The following MACROD2 variants were observed in gnomAD, a reference collection of about 807,000 sequenced individuals.
MACROD2 encodes mono-ADP ribosylhydrolase 2.
A neutral mutation model predicts 70.4 loss-of-function variants in MACROD2; 36 were observed. The ratio of observed to expected loss-of-function variants is 0.51; its 90% CI spans 0.39 to 0.68. The LOEUF is 0.68. Ranked by LOEUF, MACROD2 falls within the 30% of genes least tolerant of loss-of-function variation. The pLI is 0.00. For synonymous variants in MACROD2, 172 were observed against 178.8 expected, an observed-to-expected ratio of 0.96 and a Z score of 0.30; for missense variants, 496 against 538.4, an observed-to-expected ratio of 0.92 and a Z score of 0.78.
chr20:14,283,103 T>TA lies in MACROD2; in HGVS notation c.271+197376dup, dbSNP rs1328923097. Among the ~76,000 whole-genome samples, 5 of 152,196 alleles carry TA rather than the reference T, an allele frequency of 3.3e-5. No individual in the cohort carries two copies. In the East Asian group the frequency reaches 5.8e-4, roughly 18 times the overall value. On this transcript the variant is annotated intron_variant, in intron 3 of 17. Coordinates refer to ENST00000684519, the MANE Select transcript of MACROD2 (RefSeq NM_001351661.2). The stretch of plus-strand genomic sequence containing the variant: ...AAATAATTTGCAGCTAGTTCCATGA[T>TA]ACAACCTTTTCTGACATTTTGAATG...
intron 7 of MACROD2, among the ~76,000 whole-genome samples, chr20:15,449,565 A>T (rs533512274): frequency 6.6e-6 from 1 of 152,320 alleles, no homozygotes; most frequent in South Asian, 2.1e-4. Context: ...TATTCACTTC[A>T]TATATAAGCC....
intron 8 of MACROD2, among the ~76,000 whole-genome samples, chr20:15,600,879 C>G (rs188400749): frequency 6.6e-6 from 1 of 152,162 alleles, no homozygotes; most frequent in Non-Finnish European, 1.5e-5. Context: ...TTTTGACCAT[C>G]TTTTATGTTG....
intron 17 of MACROD2, 95 bp from the exon 18 acceptor site, chr20:16,049,735 A>G: frequency 7.9e-7 from 1 of 1,270,244 alleles, no homozygotes; most frequent in Non-Finnish European, 1.1e-6. Flanking sequence ...GAGGGGTGAG[A>G]GACATTTAAA....
At chr20:14,978,334 A>G (rs1600900403) in intron 5 of MACROD2, among the ~76,000 whole-genome samples, 1 of 152,040 alleles carries the variant, frequency 6.6e-6, no homozygotes, top group Admixed American at 6.6e-5. Flanking sequence ...AAGTGGCCAC[A>G]AGTATCCCTA....
chr20:15,120,447 T>C (rs57093030), intron 5 of MACROD2, among the ~76,000 whole-genome samples: 44,334 of 152,024 alleles, frequency 0.29, 7,860 homozygotes, highest in Non-Finnish European at 0.41. Context: ...CTCCCCTACT[T>C]TATGTAATAT....
chr20:15,798,871 C>T lies in MACROD2; in HGVS notation c.646-63874C>T, dbSNP rs79327241. On this transcript the variant is annotated intron_variant, in intron 8 of 17. Transcript: ENST00000684519. Reference sequence around the variant, plus strand: ...CAATACAACTGCTTTTCTATGGCCCCATTGCCTGTCTAGTCAGCCAGACAG... The same window carrying T: ...CAATACAACTGCTTTTCTATGGCCCTATTGCCTGTCTAGTCAGCCAGACAG... Among the ~76,000 whole-genome samples the T allele has an allele frequency of 1.6e-3, 246 of 152,284 alleles. 1 individual carries two copies. Among genetic ancestry groups the T allele is most frequent in the African/African-American group, 5.8e-3 (241 of 41,558 alleles).
intron 3 of MACROD2, among the ~76,000 whole-genome samples, chr20:14,470,013 G>T (rs2084508646): frequency 6.6e-6 from 1 of 151,750 alleles, no homozygotes; most frequent in Non-Finnish European, 1.5e-5. Context: ...GAGGCATTCT[G>T]GTTTTTGGAA....
chr20:14,420,751 G>T (rs778672548), intron 3 of MACROD2, among the ~76,000 whole-genome samples: 10 of 152,110 alleles, frequency 6.6e-5, no homozygotes, highest in Non-Finnish European at 1.3e-4. Context: ...GGAGTTCAGT[G>T]GTGTGATCAC....
At chr20:14,871,761 T>C (rs763484451) in intron 5 of MACROD2, among the ~76,000 whole-genome samples, 2 of 152,100 alleles carry the variant, frequency 1.3e-5, no homozygotes, top group Non-Finnish European at 2.9e-5. Flanking sequence ...ATAGATATGC[T>C]ATCTTCAAGA....
At chr20:15,345,024 G>T (rs1023650559) in intron 6 of MACROD2, among the ~76,000 whole-genome samples, 2 of 152,154 alleles carry the variant, frequency 1.3e-5, no homozygotes, top group African/African-American at 4.8e-5. Context: ...TTTCTGAGTT[G>T]CAGACTGCTC....
In MACROD2 at chr20:15,201,042, A is replaced by G. The variant is rs184050149; in HGVS notation, c.419-28898A>G. ...GGGGCCCCAAGATTTCGAATTCCCA[A>G]CCACCTCCCAGGTGCTGCTGCTGCT... On this transcript the variant is annotated intron_variant, in intron 5 of 17. Coordinates refer to ENST00000684519, the MANE Select transcript of MACROD2 (RefSeq NM_001351661.2). Among the ~76,000 whole-genome samples the G allele has an allele frequency of 2.1e-3, 319 of 151,908 alleles. 2 individuals are homozygous for G. Among genetic ancestry groups the G allele is most frequent in the African/African-American group, 7.5e-3 (308 of 41,218 alleles).
chr20:14,263,150 G>A (rs1327394909), intron 3 of MACROD2, among the ~76,000 whole-genome samples: 5 of 152,082 alleles, frequency 3.3e-5, no homozygotes, highest in Admixed American at 3.3e-4. Context: ...GAGGAAGGAA[G>A]GGAGAGGATA....
At chr20:15,506,656 A>C (rs1039006727) in intron 8 of MACROD2, among the ~76,000 whole-genome samples, 1 of 152,208 alleles carries the variant, frequency 6.6e-6, no homozygotes, top group African/African-American at 2.4e-5. Flanking sequence ...GTGATTCTTA[A>C]AAAGGGGGTT....
chr20:15,693,583 C>G (rs1270385311), intron 8 of MACROD2, among the ~76,000 whole-genome samples: 1 of 152,094 alleles, frequency 6.6e-6, no homozygotes, highest in East Asian at 1.9e-4. Flanking sequence ...ACTAAGCCAT[C>G]AATAAATGGA....
intron 12 of MACROD2, among the ~76,000 whole-genome samples, chr20:15,938,828 T>C (rs1397535508): frequency 1.3e-5 from 2 of 152,180 alleles, no homozygotes. Flanking sequence ...AAAGGAAATG[T>C]TCTTGAAGGA....
intron 8 of MACROD2, among the ~76,000 whole-genome samples, chr20:15,718,746 G>A (rs2050742314): frequency 6.6e-6 from 1 of 152,176 alleles, no homozygotes; most frequent in Middle Eastern, 3.2e-3. Context: ...ACTTACGGGG[G>A]AAGTTATACC....
chr20:14,754,859 T>C (rs1023859385), intron 5 of MACROD2, among the ~76,000 whole-genome samples: 1 of 150,836 alleles, frequency 6.6e-6, no homozygotes, highest in African/African-American at 2.4e-5. Flanking sequence ...AGGATCACAG[T>C]TTTTGTTAAG....
intron 9 of MACROD2, among the ~76,000 whole-genome samples, chr20:15,873,567 A>G (rs2064617436): frequency 1.3e-5 from 2 of 152,188 alleles, no homozygotes; most frequent in South Asian, 4.1e-4. Flanking sequence ...AAGGTTATTA[A>G]TCTTTCAAAT....
chr20:15,373,163 C>T (rs976423019), intron 6 of MACROD2, among the ~76,000 whole-genome samples: 3 of 152,150 alleles, frequency 2.0e-5, no homozygotes, highest in Admixed American at 6.5e-5. Flanking sequence ...ATCAACCTCA[C>T]CTGGCCAGAA....
Sources: gnomAD v4.1 joint callset for allele counts (sites outside exome capture counted in the v4.1 genomes callset) on GRCh38, gnomAD v4.1.1 for gene constraint, MANE v1.5 for transcripts, NCBI Gene and HGNC (gene_info 2026-07-23, HGNC 2026-07-21) for gene names.